Variants in TF observed in about 807,000 individuals in gnomAD.
The protein encoded by TF is transferrin, also known as serotransferrin.
TF carries 55 observed loss-of-function variants against 82.4 expected under a neutral mutation model. That is an observed-to-expected ratio of 0.67 (90% CI 0.54 to 0.84). The LOEUF (loss-of-function observed/expected upper bound fraction) is 0.84, where lower values mean the gene tolerates loss of function less well. Ranked by LOEUF, TF falls within the 40% of genes least tolerant of loss-of-function variation. The pLI is 0.00. For missense variants in TF, 737 were observed against 868.4 expected (o/e 0.85, Z 1.90); for synonymous variants, 332 against 332.6 (o/e 1.00, Z 0.02).
the TF span, among the ~76,000 whole-genome samples, chr3:133,663,621 C>T: frequency 6.6e-6 from 1 of 152,108 alleles, no homozygotes; most frequent in Non-Finnish European, 1.5e-5. Flanking sequence ...TTTTCAGCAA[C>T]CCTATAATAG....
the TF span, among the ~76,000 whole-genome samples, chr3:133,729,272 A>G: frequency 1.3e-5 from 2 of 152,188 alleles, no homozygotes; most frequent in Non-Finnish European, 1.5e-5. Flanking sequence ...TGGAGCCTAC[A>G]AAGGCAGGCA....
rs1223458191 is a variant in TF, at chr3:133,783,739, C to T, written c.*5119C>T. 6.6e-6 allele frequency: 1 copy of T among 152,278 alleles called. No individual in the cohort carries two copies. Among genetic ancestry groups the T allele is most frequent in the African/African-American group, 2.4e-5 (1 of 41,462 alleles). 9.4% of individuals were successfully genotyped at this position (152,278 alleles called of 1,614,324 possible). Reference sequence around the variant, plus strand: ...TGAGCGCGGACAGCTCTGCTGGGCCCTCCAGGCCCTCCGCCCGGTAGAACC... The same window carrying T: ...TGAGCGCGGACAGCTCTGCTGGGCCTTCCAGGCCCTCCGCCCGGTAGAACC... On this transcript the variant is annotated 3_prime_UTR_variant, in exon 17 of 17. Transcript: ENST00000402696.
chr3:133,724,126 G>A, the TF span, among the ~76,000 whole-genome samples: 3 of 152,168 alleles, frequency 2.0e-5, no homozygotes, highest in South Asian at 2.1e-4. Context: ...ACGTGTGCAT[G>A]TGTCTTTATA....
chr3:133,728,645 C>G, the TF span, among the ~76,000 whole-genome samples: 29,662 of 152,216 alleles, frequency 0.19, 3,007 homozygotes, highest in East Asian at 0.29. Flanking sequence ...AAGCCTTCTT[C>G]TCTCAACTTG....
At chr3:133,685,633 C>T in the TF span, among the ~76,000 whole-genome samples, 12 of 152,102 alleles carry the variant, frequency 7.9e-5, no homozygotes, top group Admixed American at 2.6e-4. Flanking sequence ...TACCTAGGAA[C>T]CCAACTTACA....
the TF span, chr3:133,699,540 G>T: frequency 6.5e-5 from 59 of 909,180 alleles, no homozygotes; most frequent in Middle Eastern, 7.8e-4. Context: ...CTGCCATTTG[G>T]CCTGGGTCCT....
intron 9 of TF, chr3:133,760,172 T>G (rs1192564760): frequency 6.6e-6 from 1 of 152,158 alleles, no homozygotes; most frequent in Non-Finnish European, 1.5e-5. Flanking sequence ...CATTTGGCTA[T>G]TCTTGAGTTG....
chr3:133,747,790 G>A (rs536017332), intron 1 of TF, among the ~76,000 whole-genome samples: 7 of 152,208 alleles, frequency 4.6e-5, no homozygotes, highest in South Asian at 2.1e-4. Flanking sequence ...AATTCTTTTC[G>A]TTAATTTACC....
At chr3:133,693,107 C>G in the TF span, among the ~76,000 whole-genome samples, 2 of 152,240 alleles carry the variant, frequency 1.3e-5, no homozygotes, top group African/African-American at 4.8e-5. Context: ...CCAGCAACTC[C>G]TGGGAGCTGG....
At chr3:133,706,828 A>G in the TF span, among the ~76,000 whole-genome samples, 2 of 152,150 alleles carry the variant, frequency 1.3e-5, no homozygotes, top group South Asian at 4.1e-4. Flanking sequence ...AAGTTGAGGC[A>G]TCATTTCCCT....
At chr3:133,664,519 A>G in the TF span, among the ~76,000 whole-genome samples, 1 of 152,044 alleles carries the variant, frequency 6.6e-6, no homozygotes, top group East Asian at 1.9e-4. Context: ...GACGGGTTTC[A>G]CCTTGTTGGC....
chr3:133,718,417 A>G, the TF span, among the ~76,000 whole-genome samples: 14 of 152,122 alleles, frequency 9.2e-5, no homozygotes, highest in Non-Finnish European at 1.6e-4. Flanking sequence ...GCAGGCTGGC[A>G]GATCTGTTGG....
the TF span, chr3:133,691,970 G>A: frequency 6.5e-6 from 1 of 152,814 alleles, no homozygotes; most frequent in Non-Finnish European, 1.5e-5. Flanking sequence ...GGCTGTCTCT[G>A]ATGCTAACTC....
chr3:133,733,544 C>T, the TF span, among the ~76,000 whole-genome samples: 1 of 152,068 alleles, frequency 6.6e-6, no homozygotes, highest in Non-Finnish European at 1.5e-5. Flanking sequence ...CCTGGGGGGT[C>T]AAGTGGAACT....
chr3:133,787,259 A>G lies in TF; in HGVS notation c.*8639A>G, dbSNP rs1394459569. The G allele has an allele frequency of 1.3e-5, 2 of 152,210 alleles. No homozygotes were observed. Among genetic ancestry groups the G allele is most frequent in the African/African-American group, 2.4e-5 (1 of 41,454 alleles). 9.4% of individuals were successfully genotyped at this position (152,210 alleles called of 1,614,324 possible). On this transcript the variant is annotated 3_prime_UTR_variant, in exon 17 of 17. Coordinates refer to ENST00000402696, the MANE Select transcript of TF (RefSeq NM_001063.4). Reference sequence around the variant, plus strand: ...TTGCACACTTTGTATTGAAATTCATAGGAAAGCTTGTCTTCTGTAAATGAT... The same window carrying G: ...TTGCACACTTTGTATTGAAATTCATGGGAAAGCTTGTCTTCTGTAAATGAT...
At chr3:133,715,725 G>A in the TF span, among the ~76,000 whole-genome samples, 1 of 152,034 alleles carries the variant, frequency 6.6e-6, no homozygotes, top group African/African-American at 2.4e-5. Flanking sequence ...ACATGGAGTT[G>A]GTTTTATTAT....
At chr3:133,668,843 G>A in the TF span, among the ~76,000 whole-genome samples, 2 of 152,090 alleles carry the variant, frequency 1.3e-5, no homozygotes, top group African/African-American at 4.8e-5. Context: ...GACAGGAGTT[G>A]GTGCACAAAA....
At chr3:133,684,115 T>C in the TF span, among the ~76,000 whole-genome samples, 5 of 152,070 alleles carry the variant, frequency 3.3e-5, no homozygotes, top group Non-Finnish European at 7.4e-5. Flanking sequence ...GGGTACATAA[T>C]GAAATGAAGG....
At chr3:133,705,095 C>T in the TF span, among the ~76,000 whole-genome samples, 2 of 151,934 alleles carry the variant, frequency 1.3e-5, no homozygotes, top group Non-Finnish European at 2.9e-5. Context: ...GCCAACATGG[C>T]GAAACCCTGT....
Sources: allele counts gnomAD v4.1 joint callset (sites outside exome capture counted in the v4.1 genomes callset), GRCh38; gene constraint gnomAD v4.1.1; transcripts MANE v1.5; gene names NCBI Gene and HGNC (gene_info 2026-07-23, HGNC 2026-07-21).